The following NEB variants were observed in gnomAD, a reference collection of about 807,000 sequenced individuals.
The protein encoded by NEB is nebulin.
In NEB, 512 loss-of-function variants were observed where a neutral mutation model predicts 952.2. The observed-to-expected ratio is 0.54, with a 90% CI of 0.50 to 0.58. The LOEUF (loss-of-function observed/expected upper bound fraction) is 0.58, where lower values mean the gene tolerates loss of function less well. Among genes scored for constraint, NEB ranks in the 20% least tolerant of loss-of-function variants. The probability of loss-of-function intolerance (pLI) is 0.00; values close to 1 mark genes in which losing one functional copy is unlikely to be tolerated. For missense variants in NEB, 8,428 were observed against 9,231.1 expected, an observed-to-expected ratio of 0.91 and a Z score of 3.56; for synonymous variants, 2,900 against 3,149.8, an observed-to-expected ratio of 0.92 and a Z score of 2.66.
chr2:151,568,243 C>T, intron 112 of NEB, 65 bp from the exon 113 acceptor site: 1 of 1,586,960 alleles, frequency 6.3e-7, no homozygotes, highest in Non-Finnish European at 8.7e-7. Flanking sequence ...AAGTTGTGTG[C>T]ATAATTATCC....
At chr2:151,556,481 C>G (rs2095653997) in intron 124 of NEB, among the ~76,000 whole-genome samples, 1 of 152,086 alleles carries the variant, frequency 6.6e-6, no homozygotes, top group Non-Finnish European at 1.5e-5. Context: ...AGAAAATGTT[C>G]CTGATTAAGA....
At position 151,688,369 on chromosome 2, in the gene NEB, C is replaced by T. The variant is rs1452109473; in HGVS notation, c.2338G>A (p.Glu780Lys). The T allele has an allele frequency of 3.1e-6, 5 of 1,613,704 alleles. No individual in the cohort carries two copies. The East Asian group carries it at 8.9e-5, about 29-fold the overall frequency. Residue 780 changes from glutamate to lysine, a missense_variant, in exon 25 of 182, where the codon GAG becomes AAG. Around this residue, in one of 11 missense-constraint regions of NEB, gnomAD observed 2,851 missense variants for 2,791.5 expected, o/e 1.02. Transcript: ENST00000397345. ...DLNYKAKHEG[E>K]KFKCHIPADA... is the part of the protein sequence containing the mutation. Reference sequence around the variant, plus strand: ...GCTGGTATATGGCACTTGAACTTCTCACCTTCATGTTTTGCTTTGTAATTC... The same window carrying T: ...GCTGGTATATGGCACTTGAACTTCTTACCTTCATGTTTTGCTTTGTAATTC...
rs192441239 is a variant in NEB, at chr2:151,605,373, A to C, written c.12748-502T>G. On this transcript the variant is annotated intron_variant, in intron 84 of 181. Transcript: ENST00000397345. ...GACAAGTGCAACATTAGGTCAAATG[A>C]TCTCCTAAGAGTACTGAAGGAACCT... Among the ~76,000 whole-genome samples, 77 of 111,530 alleles carry C rather than the reference A, an allele frequency of 6.9e-4. 14 individuals carry two copies. In the East Asian group the frequency reaches 0.02, roughly 28 times the overall value. The allele number at this position is 111,530 out of a possible 152,430, so 73.2% of individuals were successfully genotyped here. A position where few individuals can be genotyped will look rare whatever the true frequency, so the allele number is the denominator to read the frequency against.
At chr2:151,557,990 T>C (rs2095780885) in intron 124 of NEB, among the ~76,000 whole-genome samples, 1 of 152,166 alleles carries the variant, frequency 6.6e-6, no homozygotes, top group Admixed American at 6.5e-5. Flanking sequence ...ACCACTCCTA[T>C]TCAACATAGT....
rs2098919555 is a variant in NEB, at chr2:151,643,864, T to A, written c.7910A>T (p.Gln2637Leu). The change falls in exon 57 of 182, where the codon CAG (glutamine) becomes CTG (leucine). Residue 2637 changes from glutamine to leucine, a missense_variant. Gln to Leu is a moderately radical substitution (Grantham distance 113). Transcript: ENST00000397345. Reference protein sequence around the residue: ...YLHQWTCLPDQSDVIHARQAY... With the variant: ...YLHQWTCLPDLSDVIHARQAY... Reference sequence around the variant, plus strand: ...CTGCCGAGCATGGATGACATCGCTCTGGTCGGGCAGGCATGTCCACTGGTG... The same window carrying A: ...CTGCCGAGCATGGATGACATCGCTCAGGTCGGGCAGGCATGTCCACTGGTG... The A allele has an allele frequency of 6.2e-7, 1 of 1,613,942 alleles. No homozygotes were observed. Among genetic ancestry groups the A allele is most frequent in the Non-Finnish European group, 8.5e-7 (1 of 1,179,898 alleles).
chr2:151,559,801 G>A (rs556323559), intron 124 of NEB, among the ~76,000 whole-genome samples: 4 of 152,268 alleles, frequency 2.6e-5, no homozygotes, highest in East Asian at 1.9e-4. Flanking sequence ...GGAGTAGGGG[G>A]CTAGGGGAGG....
intron 119 of NEB, 75 bp downstream of exon 119, chr2:151,563,531 G>A (rs1327236910): frequency 2.3e-6 from 3 of 1,303,886 alleles, no homozygotes; most frequent in Admixed American, 3.4e-5. Flanking sequence ...GAACCAAAGG[G>A]CAAGTTATAA....
intron 134 of NEB, 25 bp downstream of exon 134, chr2:151,546,320 A>G: frequency 6.4e-7 from 1 of 1,572,694 alleles, no homozygotes; most frequent in East Asian, 2.2e-5. Flanking sequence ...GGGGGTAATT[A>G]TGCATTGTGA....
intron 3 of NEB, among the ~76,000 whole-genome samples, chr2:151,730,240 G>T (rs1308689661): frequency 1.3e-5 from 2 of 152,086 alleles, no homozygotes; most frequent in Non-Finnish European, 2.9e-5. Context: ...TAGTGTGATT[G>T]TCCTAAACAG....
intron 145 of NEB, among the ~76,000 whole-genome samples, chr2:151,530,440 T>A (rs190317746): frequency 6.6e-6 from 1 of 152,296 alleles, no homozygotes; most frequent in African/African-American, 2.4e-5. Context: ...TAGGTTTTAA[T>A]GTGACTAAGG....
At chr2:151,594,487 T>A (rs2097357429) in intron 92 of NEB, among the ~76,000 whole-genome samples, 169 bp from the exon 93 acceptor site, 1 of 151,430 alleles carries the variant, frequency 6.6e-6, no homozygotes, top group South Asian at 2.1e-4. Flanking sequence ...ATAATACGAT[T>A]TTAGGTCATT....
chr2:151,487,961 T>C (rs1373096307), intron 181 of NEB, among the ~76,000 whole-genome samples: 1 of 152,160 alleles, frequency 6.6e-6, no homozygotes, highest in Non-Finnish European at 1.5e-5. Flanking sequence ...CAATATGATA[T>C]TTGATTCAAT....
rs1349483900 is a variant in NEB, at chr2:151,609,094, T to TA, written c.12331-419_12331-418insT. 1.8e-4 allele frequency among the ~76,000 whole-genome samples: 27 copies of TA among 150,426 alleles called. 1 individual carries two copies. The highest frequency in any genetic ancestry group is 4.4e-5 in the Non-Finnish European group (3 of 67,652). ...GGAAATCCCTTTTGTGATCATAAGTTGAAGTCGTGAGTGCTAACATTTAAA... is the reference window on the plus strand; with the variant it reads ...GGAAATCCCTTTTGTGATCATAAGTTAGAAGTCGTGAGTGCTAACATTTAAA... On this transcript the variant is annotated intron_variant, in intron 81 of 181. Coordinates refer to ENST00000397345, the MANE Select transcript of NEB (RefSeq NM_001164508.2).
At chr2:151,540,842 A>G in intron 136 of NEB, 41 bp from the exon 137 acceptor site, 1 of 1,480,674 alleles carries the variant, frequency 6.8e-7, no homozygotes, top group Non-Finnish European at 9.4e-7. Context: ...GAGATAAAGC[A>G]TTTAGTATTT....
chr2:151,710,360 C>G (rs1448508725), intron 11 of NEB, 74 bp downstream of exon 11: 2 of 970,670 alleles, frequency 2.1e-6, no homozygotes, highest in East Asian at 5.0e-5. Context: ...TCAGGTAGAG[C>G]AAGTAGCTAG....
chr2:151,653,821 A>T (rs958640386), intron 52 of NEB, among the ~76,000 whole-genome samples, 171 bp downstream of exon 52: 1 of 152,190 alleles, frequency 6.6e-6, no homozygotes, highest in East Asian at 1.9e-4. Flanking sequence ...CCCTTTTGAC[A>T]TATGAACAGT....
rs1306911306 is a variant in NEB at position 151,662,120 on chromosome 2, T to C, written c.5970+15A>G. 9 of 1,599,332 alleles carry C rather than the reference T, an allele frequency of 5.6e-6. No individual in the cohort carries two copies. The East Asian group carries it at 2.0e-4, about 36-fold the overall frequency. On this transcript the variant is annotated intron_variant, in intron 46 of 181. Coordinates refer to ENST00000397345, the MANE Select transcript of NEB (RefSeq NM_001164508.2). ...CTCTGATGCATATGAAACACTGCAT[T>C]ATTGAAAGACTTACTTCGTTCATAA...
In NEB at chr2:151,697,057, T is replaced by G; in HGVS notation, c.1470+91A>C. 3.1e-6 allele frequency: 3 copies of G among 969,688 alleles called. No individual in the cohort carries two copies. In the East Asian group the frequency reaches 7.4e-5, roughly 24 times the overall value. 60.1% of individuals were successfully genotyped at this position (969,688 alleles called of 1,614,324 possible). On this transcript the variant is annotated intron_variant, in intron 16 of 181. Transcript: ENST00000397345. ...TTTCTTGCGATTGCCTGGCTTACATTTATTTGTAAAAGTGGCAACATTTTA... is the reference window on the plus strand; with the variant it reads ...TTTCTTGCGATTGCCTGGCTTACATGTATTTGTAAAAGTGGCAACATTTTA...
chr2:151,563,175 C>T (rs937727289), intron 119 of NEB, among the ~76,000 whole-genome samples: 1 of 151,850 alleles, frequency 6.6e-6, no homozygotes, highest in Non-Finnish European at 1.5e-5. Flanking sequence ...CCACCACGCC[C>T]AGCTAATTTT....
Sources: allele counts gnomAD v4.1 joint callset (sites outside exome capture counted in the v4.1 genomes callset), GRCh38; gene constraint gnomAD v4.1.1; regional missense constraint gnomAD v4.1.1; transcripts MANE v1.5; gene names NCBI Gene and HGNC (gene_info 2026-07-23, HGNC 2026-07-21).